Variants in ACTR3B observed in about 807,000 individuals in gnomAD.
The protein encoded by ACTR3B is actin-related protein 3B.
Under a neutral mutation model 59.0 loss-of-function variants are expected in ACTR3B, and 8 were observed. That is an observed-to-expected ratio of 0.14 (90% CI 0.08 to 0.24). The LOEUF is 0.24. Ranked by LOEUF, ACTR3B falls within the 10% of genes least tolerant of loss-of-function variation. The probability of loss-of-function intolerance (pLI) is 1.00; values close to 1 mark genes in which losing one functional copy is unlikely to be tolerated. For synonymous variants in ACTR3B, 148 were observed against 197.9 expected (o/e 0.75, Z 2.12); for missense variants, 245 against 552.3 (o/e 0.44, Z 5.58).
intron 1 of ACTR3B, among the ~76,000 whole-genome samples, chr7:152,773,588 A>T (rs1318957170): frequency 6.6e-6 from 1 of 152,212 alleles, no homozygotes; most frequent in African/African-American, 2.4e-5. Context: ...CTGTCTCTAA[A>T]AAAAAAGCAA....
Position 152,853,488 on chromosome 7 carries a change from T to C in ACTR3B, c.1078-6T>C, listed in dbSNP as rs748698994. The C allele has an allele frequency of 6.2e-7, 1 of 1,613,746 alleles. No homozygotes were observed. The highest frequency in any genetic ancestry group is 1.1e-5 in the South Asian group (1 of 90,984). On this transcript the variant is annotated splice_region_variant and splice_polypyrimidine_tract_variant and intron_variant, in intron 10 of 11. Coordinates refer to ENST00000256001, the MANE Select transcript of ACTR3B (RefSeq NM_020445.6). Reference sequence around the variant, plus strand: ...TGGGGTAAGTGAGAGCTGCTTTCTCTTCCAGCCGAAGCCTGTGGAGGTCCA... The same window carrying C: ...TGGGGTAAGTGAGAGCTGCTTTCTCCTCCAGCCGAAGCCTGTGGAGGTCCA...
At chr7:152,779,050 G>T (rs1190377616) in intron 1 of ACTR3B, among the ~76,000 whole-genome samples, 1 of 148,994 alleles carries the variant, frequency 6.7e-6, no homozygotes, top group Non-Finnish European at 1.5e-5. Flanking sequence ...TAGACATATC[G>T]TGCTAAATGT....
At chr7:152,823,890 A>G (rs1017639971) in intron 8 of ACTR3B, among the ~76,000 whole-genome samples, 5 of 152,310 alleles carry the variant, frequency 3.3e-5, no homozygotes, top group African/African-American at 4.8e-5. Flanking sequence ...TAACCTTTCT[A>G]TCTTTGGTGA....
At chr7:152,759,986 T>C (rs1015950960) in intron 1 of ACTR3B, 60 bp downstream of exon 1, 12 of 1,278,220 alleles carry the variant, frequency 9.4e-6, no homozygotes, top group Non-Finnish European at 1.2e-5. Flanking sequence ...GCCCCTGGCG[T>C]CCACCTCGCC....
At chr7:152,783,132 A>C in intron 1 of ACTR3B, 55 bp from the exon 2 acceptor site, 1 of 714,422 alleles carries the variant, frequency 1.4e-6, no homozygotes, top group Non-Finnish European at 2.4e-6. Context: ...ACATTAATCC[A>C]ATATAGACGA....
chr7:152,778,683 T>C (rs1171460503), intron 1 of ACTR3B, among the ~76,000 whole-genome samples: 1 of 151,896 alleles, frequency 6.6e-6, no homozygotes, highest in Non-Finnish European at 1.5e-5. Flanking sequence ...CTCACACCTA[T>C]AATCCTAGCA....
intron 1 of ACTR3B, among the ~76,000 whole-genome samples, chr7:152,762,154 C>T (rs151191041): frequency 6.6e-6 from 1 of 152,290 alleles, no homozygotes; most frequent in African/African-American, 2.4e-5. Flanking sequence ...GAATCCTCCT[C>T]AGGTAAACCC....
chr7:152,844,966 A>AGG (rs1798154169), intron 9 of ACTR3B, among the ~76,000 whole-genome samples: 2 of 147,850 alleles, frequency 1.4e-5, no homozygotes, highest in African/African-American at 5.0e-5. Context: ...TAAATCTGAG[A>AGG]GGATTTAGAG....
rs1254924899 is a variant in ACTR3B, at chr7:152,809,723, A to G, written c.337-4827A>G. ...ACGCCTGGCTAATTTTTGTATATTTAGTAGAGACGGGGTTTCACTGTGTTG... is the reference window on the plus strand; with the variant it reads ...ACGCCTGGCTAATTTTTGTATATTTGGTAGAGACGGGGTTTCACTGTGTTG... On this transcript the variant is annotated intron_variant, in intron 4 of 11. Transcript: ENST00000256001. Among the ~76,000 whole-genome samples, 7 of 152,054 alleles carry G rather than the reference A, an allele frequency of 4.6e-5. No homozygotes were observed. In the East Asian group the frequency reaches 1.4e-3, roughly 29 times the overall value.
At chr7:152,853,907 A>G (rs529605256) in intron 11 of ACTR3B, among the ~76,000 whole-genome samples, 6 of 151,776 alleles carry the variant, frequency 4.0e-5, no homozygotes, top group Admixed American at 6.6e-5. Context: ...TATTTTTAGT[A>G]AAGATGGGGT....
chr7:152,812,251 A>C (rs1346925578), intron 4 of ACTR3B: 1 of 95,706 alleles, frequency 1.0e-5, no homozygotes, highest in African/African-American at 2.9e-5. Context: ...GGCTGGTCTC[A>C]AACTCCTGAC....
intron 9 of ACTR3B, among the ~76,000 whole-genome samples, chr7:152,830,042 A>G (rs990834611): frequency 4.8e-4 from 73 of 152,380 alleles, no homozygotes; most frequent in African/African-American, 1.6e-3. Flanking sequence ...TACAAGCTAA[A>G]TGTCATTAAA....
At chr7:152,841,742 T>C (rs1306254849) in intron 9 of ACTR3B, among the ~76,000 whole-genome samples, 2 of 152,148 alleles carry the variant, frequency 1.3e-5, no homozygotes, top group South Asian at 4.2e-4. Flanking sequence ...ACTGTACACA[T>C]TGGCCAAATG....
intron 1 of ACTR3B, among the ~76,000 whole-genome samples, chr7:152,773,544 G>A (rs2098129260): frequency 6.6e-6 from 1 of 151,934 alleles, no homozygotes; most frequent in South Asian, 2.1e-4. Context: ...TGGAGATCAT[G>A]ATACTGCACT....
At chr7:152,779,783 G>C (rs889795778) in intron 1 of ACTR3B, among the ~76,000 whole-genome samples, 1 of 152,132 alleles carries the variant, frequency 6.6e-6, no homozygotes, top group African/African-American at 2.4e-5. Context: ...TGTCATTGAA[G>C]TTAGTGATGG....
intron 7 of ACTR3B, among the ~76,000 whole-genome samples, chr7:152,822,503 C>G (rs978985999): frequency 4.6e-5 from 7 of 152,260 alleles, no homozygotes; most frequent in Non-Finnish European, 7.3e-5. Context: ...TTAGCGACTT[C>G]TCTCGCAGCA....
Position 152,823,446 on chromosome 7 carries a change from C to G in ACTR3B, c.789C>G (p.Asn263Lys). 1 of 1,614,202 alleles carries G rather than the reference C, an allele frequency of 6.2e-7. No homozygotes were observed. The highest frequency in any genetic ancestry group is 8.5e-7 in the Non-Finnish European group (1 of 1,180,036). ...IKQYTGINAI[N>K]QKKFVIDVGY... ...AGTACACGGGTATCAATGCGATCAA[C>G]CAGAAGAAGTTTGTTATAGACGTTG... Residue 263 changes from asparagine to lysine, a missense_variant, in exon 8 of 12, where the codon AAC (asparagine) becomes AAG (lysine). Physicochemically the swap from Asn to Lys is moderately conservative, Grantham distance 94. Coordinates refer to ENST00000256001, the MANE Select transcript of ACTR3B (RefSeq NM_020445.6).
intron 1 of ACTR3B, among the ~76,000 whole-genome samples, chr7:152,775,061 G>A (rs377378741): frequency 4.6e-5 from 7 of 151,836 alleles, no homozygotes; most frequent in Admixed American, 3.3e-4. Flanking sequence ...GCATGGTGTC[G>A]TGCACCTATA....
Position 152,825,135 on chromosome 7 carries a change from T to G in ACTR3B, c.951+13T>G, listed in dbSNP as rs754776872. ...CCCGCTGTATAAGGTATGAGCTGCC[T>G]GGGTAAGGTACTTTGATTTCATTCC... On this transcript the variant is annotated intron_variant, in intron 9 of 11. Coordinates refer to ENST00000256001, the MANE Select transcript of ACTR3B (RefSeq NM_020445.6). The G allele has an allele frequency of 3.1e-6, 5 of 1,609,206 alleles. No homozygotes were observed. The South Asian group carries it at 5.6e-5, about 18-fold the overall frequency.
Sources: allele counts gnomAD v4.1 joint callset (sites outside exome capture counted in the v4.1 genomes callset), GRCh38; gene constraint gnomAD v4.1.1; transcripts MANE v1.5; gene names NCBI Gene and HGNC (gene_info 2026-07-23, HGNC 2026-07-21).